The following ULK4 variants were observed in gnomAD, a reference collection of about 807,000 sequenced individuals.
ULK4 encodes the protein unc-51 like kinase 4.
ULK4 carries 133 observed loss-of-function variants against 160.6 expected under a neutral mutation model. The observed-to-expected ratio is 0.83, with a 90% CI of 0.72 to 0.96. The LOEUF is 0.96. ULK4 is among the 40% of genes least tolerant of loss of function. The pLI is 0.00. For synonymous variants in ULK4, 534 were observed against 539.8 expected (o/e 0.99, Z 0.15); for missense variants, 1,580 against 1,499.5 (o/e 1.05, Z -0.89).
chr3:41,582,196 C>A (rs755671442), intron 31 of ULK4, among the ~76,000 whole-genome samples: 1 of 152,072 alleles, frequency 6.6e-6, no homozygotes, highest in East Asian at 1.9e-4. Flanking sequence ...AAACCGCTTT[C>A]GTTTGGTCCT....
At chr3:41,589,991 C>A (rs552596694) in intron 31 of ULK4, among the ~76,000 whole-genome samples, 1 of 151,534 alleles carries the variant, frequency 6.6e-6, no homozygotes, top group African/African-American at 2.4e-5. Context: ...TTTAAAGAAC[C>A]AAATGCAAGG....
At chr3:41,938,234 T>C in intron 2 of ULK4, 37 bp from the exon 3 acceptor site, 1 of 1,538,736 alleles carries the variant, frequency 6.5e-7, no homozygotes, top group Non-Finnish European at 8.9e-7. Context: ...AAAAAGAAAT[T>C]CCTAAAACTC....
chr3:41,340,414 C>A (rs2080657193), intron 35 of ULK4, among the ~76,000 whole-genome samples: 1 of 152,186 alleles, frequency 6.6e-6, no homozygotes, highest in Non-Finnish European at 1.5e-5. Context: ...TTGGCTTTGC[C>A]ATGCACTGGC....
intron 21 of ULK4, among the ~76,000 whole-genome samples, chr3:41,763,351 GA>G (rs1477572809): frequency 6.6e-6 from 1 of 152,048 alleles, no homozygotes; most frequent in African/African-American, 2.4e-5. Context: ...CATTTTTAAG[GA>G]AAGTGATAAA....
At chr3:41,614,534 T>C (rs1270370088) in intron 31 of ULK4, among the ~76,000 whole-genome samples, 4 of 152,230 alleles carry the variant, frequency 2.6e-5, no homozygotes, top group South Asian at 2.1e-4. Context: ...CTCTTCTCTA[T>C]CCTTTCTCTA....
intron 35 of ULK4, among the ~76,000 whole-genome samples, chr3:41,270,589 A>T (rs1478657801): frequency 1.3e-5 from 2 of 152,216 alleles, no homozygotes; most frequent in Non-Finnish European, 2.9e-5. Flanking sequence ...TTAGAGGCAC[A>T]TCCTGTTAGT....
chr3:41,756,844 T>A (rs746167538), intron 21 of ULK4, among the ~76,000 whole-genome samples: 37 of 152,124 alleles, frequency 2.4e-4, no homozygotes, highest in Non-Finnish European at 4.7e-4. Flanking sequence ...CTCTAAGATT[T>A]AAAAAATAAA....
At chr3:41,782,154 G>GA (rs1003901444) in intron 21 of ULK4, among the ~76,000 whole-genome samples, 1 of 134,940 alleles carries the variant, frequency 7.4e-6, no homozygotes, top group African/African-American at 3.1e-5. Context: ...TAGCGATTCT[G>GA]AATTTTTTTT....
intron 22 of ULK4, among the ~76,000 whole-genome samples, chr3:41,730,157 G>A (rs1035605920): frequency 2.0e-5 from 3 of 152,012 alleles, no homozygotes; most frequent in African/African-American, 7.2e-5. Context: ...ACTTCTAAGA[G>A]GGAAGTTTAT....
intron 31 of ULK4, among the ~76,000 whole-genome samples, chr3:41,587,709 T>C (rs1405042724): frequency 1.3e-5 from 2 of 152,226 alleles, no homozygotes; most frequent in Admixed American, 1.3e-4. Context: ...ACCTATGACC[T>C]AGCACAATAC....
Position 41,692,215 on chromosome 3 carries a change from T to A in ULK4, c.2782-10411A>T, listed in dbSNP as rs565531666. Among the ~76,000 whole-genome samples, 10 of 151,888 alleles carry A rather than the reference T, an allele frequency of 6.6e-5. No individual in the cohort carries two copies. In the South Asian group the frequency reaches 1.0e-3, roughly 16 times the overall value. ...ATCTGCCCGCCTCGGCCTCCCAAAG[T>A]GCTGGGATTACAGGCGTGAGCCACC... On this transcript the variant is annotated intron_variant, in intron 27 of 36. Transcript: ENST00000301831.
intron 16 of ULK4, among the ~76,000 whole-genome samples, chr3:41,893,377 G>C (rs568247301): frequency 8.5e-5 from 13 of 152,070 alleles, no homozygotes; most frequent in Non-Finnish European, 1.3e-4. Flanking sequence ...AAAGTTGACT[G>C]GCAAGGATAA....
intron 16 of ULK4, 59 bp from the exon 17 acceptor site, chr3:41,884,011 C>T: frequency 8.3e-7 from 1 of 1,199,210 alleles, no homozygotes; most frequent in Non-Finnish European, 1.2e-6. Flanking sequence ...GGAAACTAAT[C>T]CCAGCTAGTT....
rs781423214 is a variant in ULK4 at position 41,566,083 on chromosome 3, T to C, written c.3168A>G (p.Ala1056=). ...TGCAGGCAACTAGATTGCTGAGTAA[T>C]GCAATCACACTTTGCATGGTATTAC... ...ILGNTMQSVI[A]LLSNLVACKD... is the part of the protein sequence containing the mutation. The change falls in exon 32 of 37, where the codon GCA becomes GCG. Residue 1056 remains alanine, a synonymous_variant. Transcript: ENST00000301831. The C allele has an allele frequency of 1.2e-6, 2 of 1,613,764 alleles. No homozygotes were observed. The highest frequency in any genetic ancestry group is 2.2e-5 in the South Asian group (2 of 91,034).
intron 21 of ULK4, among the ~76,000 whole-genome samples, chr3:41,773,011 A>C (rs1178955648): frequency 1.3e-5 from 2 of 152,258 alleles, no homozygotes; most frequent in African/African-American, 4.8e-5. Flanking sequence ...TCTTTGACAA[A>C]ATTCAACAAT....
chr3:41,895,532 A>T lies in ULK4; in HGVS notation c.1563T>A (p.Ala521=). The part of the protein sequence containing the change: ...FQLLIQHLRI[A]PNWDIRAKVA... ...ACGTTACTTACATATCCCAGTTTGG[A>T]GCTATCCGCAAATGCTGGATTAGCA... Residue 521 remains alanine (A), a synonymous_variant, in exon 16 of 37, where the codon GCT becomes GCA. Transcript: ENST00000301831. The T allele has an allele frequency of 6.6e-7, 1 of 1,510,706 alleles. No individual in the cohort carries two copies. Among genetic ancestry groups the T allele is most frequent in the Non-Finnish European group, 8.9e-7 (1 of 1,128,610 alleles). 93.6% of individuals were successfully genotyped at this position (1,510,706 alleles called of 1,614,324 possible).
At chr3:41,689,930 C>T (rs1377401842) in intron 27 of ULK4, among the ~76,000 whole-genome samples, 2 of 148,820 alleles carry the variant, frequency 1.3e-5, no homozygotes, top group Non-Finnish European at 3.0e-5. Flanking sequence ...ACCCAGCCAT[C>T]CCATTACTGG....
intron 17 of ULK4, among the ~76,000 whole-genome samples, chr3:41,860,387 T>C (rs958772750): frequency 2.0e-5 from 3 of 152,196 alleles, no homozygotes; most frequent in Non-Finnish European, 4.4e-5. Flanking sequence ...ATTCCCTTTA[T>C]ATATCTAGGT....
At chr3:41,404,804 G>A (rs1268348131) in intron 34 of ULK4, among the ~76,000 whole-genome samples, 1 of 152,178 alleles carries the variant, frequency 6.6e-6, no homozygotes, top group Non-Finnish European at 1.5e-5. Flanking sequence ...GGCATATTAT[G>A]ACACAGCAAG....
Sources: allele counts gnomAD v4.1 joint callset (sites outside exome capture counted in the v4.1 genomes callset), GRCh38; gene constraint gnomAD v4.1.1; transcripts MANE v1.5; gene names NCBI Gene and HGNC (gene_info 2026-07-23, HGNC 2026-07-21).